Variants in EYS observed in about 807,000 individuals in gnomAD.
The protein encoded by EYS is EGF-like photoreceptor maintenance factor.
Under a neutral mutation model 282.1 loss-of-function variants are expected in EYS, and 250 were observed. That is an observed-to-expected ratio of 0.89 (90% CI 0.80 to 0.98). EYS has a LOEUF of 0.98. Among genes scored for constraint, EYS ranks in the 50% least tolerant of loss-of-function variants. The pLI is 0.00. For synonymous variants in EYS, 1,355 were observed against 1,282.9 expected (o/e 1.06, Z -1.20); for missense variants, 4,016 against 3,709.0 (o/e 1.08, Z -2.15).
At chr6:64,109,729 A>G (rs974801448) in intron 31 of EYS, among the ~76,000 whole-genome samples, 2 of 152,116 alleles carry the variant, frequency 1.3e-5, no homozygotes, top group African/African-American at 4.8e-5. Context: ...AGTACATTAG[A>G]AAGTCCATGA....
rs527638504 is a variant in EYS, at chr6:64,200,633, AGGT to A, written c.6424+29956_6424+29958del. On this transcript the variant is annotated intron_variant, in intron 31 of 42. Transcript: ENST00000503581. The stretch of plus-strand genomic sequence containing the variant: ...GTTCATTATGGCTCAGAATTCCTGG[AGGT>A]ATTTTGATGTGGAACAGGAGAGAAG... 2.2e-3 allele frequency among the ~76,000 whole-genome samples: 330 copies of A among 152,212 alleles called. 1 individual carries two copies. Among genetic ancestry groups the A allele is most frequent in the Non-Finnish European group, 2.2e-3 (148 of 68,000 alleles).
rs1768562801 is a variant in EYS, at chr6:65,550,165, T to C, written c.-332-54172A>G. Reference sequence around the variant, plus strand: ...TATCTTTTTTTTTTTTTTTTTTTTTTTTTTTTTTTTTTTTTTTTTTGGGGA... The same window carrying C: ...TATCTTTTTTTTTTTTTTTTTTTTTCTTTTTTTTTTTTTTTTTTTTGGGGA... On this transcript the variant is annotated intron_variant, in intron 2 of 42. Coordinates refer to ENST00000503581, the MANE Select transcript of EYS (RefSeq NM_001142800.2). Among the ~76,000 whole-genome samples the C allele has an allele frequency of 2.1e-4, 2 of 9,322 alleles. 1 individual carries two copies. The highest frequency in any genetic ancestry group is 2.9e-4 in the Non-Finnish European group (2 of 6,964). The allele number at this position is 9,322 out of a possible 152,430, so 6.1% of individuals were successfully genotyped here. A position where few individuals can be genotyped will look rare whatever the true frequency, so the allele number is the denominator to read the frequency against.
intron 2 of EYS, among the ~76,000 whole-genome samples, chr6:65,624,213 A>G (rs1456127708): frequency 2.0e-5 from 3 of 152,244 alleles, no homozygotes; most frequent in South Asian, 4.1e-4. Flanking sequence ...CCCCTGATAG[A>G]TATCAGTATG....
intron 1 of EYS, among the ~76,000 whole-genome samples, chr6:65,659,800 T>C (rs1767943818): frequency 6.6e-6 from 1 of 151,800 alleles, no homozygotes; most frequent in Admixed American, 6.6e-5. Flanking sequence ...ATGTACAGTA[T>C]TCCATTACTA....
chr6:63,915,392 A>G (rs996428745), intron 35 of EYS, among the ~76,000 whole-genome samples: 2 of 152,156 alleles, frequency 1.3e-5, no homozygotes, highest in African/African-American at 4.8e-5. Flanking sequence ...TTCCTTTCAA[A>G]ATACTGCTAC....
intron 31 of EYS, among the ~76,000 whole-genome samples, chr6:64,218,546 TC>T (rs1229308066): frequency 6.6e-6 from 1 of 152,168 alleles, no homozygotes; most frequent in Non-Finnish European, 1.5e-5. Flanking sequence ...TCTACTTGAG[TC>T]CCTACTTGTC....
At chr6:64,017,050 C>T (rs973151624) in intron 33 of EYS, among the ~76,000 whole-genome samples, 4 of 151,798 alleles carry the variant, frequency 2.6e-5, no homozygotes, top group African/African-American at 7.3e-5. Context: ...CTGTCCTCTG[C>T]TTGAACCTTC....
At chr6:64,534,045 G>T (rs1445169385) in intron 26 of EYS, among the ~76,000 whole-genome samples, 2 of 151,704 alleles carry the variant, frequency 1.3e-5, no homozygotes, top group South Asian at 2.1e-4. Flanking sequence ...GTGGACAAGA[G>T]AACTTTTGCT....
intron 14 of EYS, among the ~76,000 whole-genome samples, chr6:64,950,832 T>TATATATATATATATA (rs1310289103): frequency 1.9e-5 from 2 of 103,102 alleles, no homozygotes; most frequent in Admixed American, 1.2e-4. Flanking sequence ...TATATATATA[T>TATATATATATATATA]ATTGTTGAAT....
chr6:64,514,596 G>A (rs1034482104), intron 26 of EYS, among the ~76,000 whole-genome samples: 1 of 151,806 alleles, frequency 6.6e-6, no homozygotes, highest in Non-Finnish European at 1.5e-5. Context: ...TATAAGGGGA[G>A]TAATGACATC....
intron 36 of EYS, among the ~76,000 whole-genome samples, chr6:63,835,923 G>T (rs1279203565): frequency 1.3e-5 from 2 of 151,986 alleles, no homozygotes; most frequent in African/African-American, 2.4e-5. Flanking sequence ...AAGACAAATG[G>T]ATTCCATTCT....
intron 36 of EYS, among the ~76,000 whole-genome samples, chr6:63,816,014 G>C (rs1771168481): frequency 1.3e-5 from 2 of 152,288 alleles, no homozygotes; most frequent in South Asian, 4.1e-4. Context: ...AGCTGTTGAA[G>C]TACTAGAAGA....
intron 12 of EYS, among the ~76,000 whole-genome samples, chr6:65,091,271 TA>T (rs397887871): frequency 0.37 from 21,128 of 56,440 alleles, 2,374 homozygotes; most frequent in African/African-American, 0.51. Context: ...CCATCTCCCC[TA>T]AAAAAAAAAA....
chr6:63,938,914 A>G (rs1302050977), intron 35 of EYS, among the ~76,000 whole-genome samples: 1 of 150,844 alleles, frequency 6.6e-6, no homozygotes, highest in Non-Finnish European at 1.5e-5. Flanking sequence ...AAAGTGAACT[A>G]AATAACAGAA....
rs552098272 is a variant in EYS at position 63,736,145 on chromosome 6, C to T, written c.8072-9465G>A. 2.3e-4 allele frequency among the ~76,000 whole-genome samples: 35 copies of T among 152,256 alleles called. 1 individual carries two copies. The highest frequency in any genetic ancestry group is 2.3e-3 in the South Asian group (11 of 4,826). On this transcript the variant is annotated intron_variant, in intron 41 of 42. Coordinates refer to ENST00000503581, the MANE Select transcript of EYS (RefSeq NM_001142800.2). ...TTGCCATTGCTTTTGGTGTTTTAGA[C>T]GTGAAGTCCTTGCCCATGCCTATGT...
chr6:64,701,332 A>G (rs62418058), intron 22 of EYS, among the ~76,000 whole-genome samples: 9,664 of 152,148 alleles, frequency 0.064, 370 homozygotes, highest in East Asian at 0.15. Flanking sequence ...AGCAAATGCA[A>G]CAACAACAAG....
At chr6:63,726,262 C>T (rs1768611928) in intron 42 of EYS, among the ~76,000 whole-genome samples, 1 of 152,044 alleles carries the variant, frequency 6.6e-6, no homozygotes, top group Admixed American at 6.6e-5. Context: ...GCTTTAATGT[C>T]TTTTTTGATG....
At chr6:64,510,299 A>G (rs112379674) in intron 26 of EYS, among the ~76,000 whole-genome samples, 32 of 152,314 alleles carry the variant, frequency 2.1e-4, no homozygotes, top group African/African-American at 7.2e-4. Flanking sequence ...AAGTGATATG[A>G]AAGATTAAAA....
At chr6:65,099,045 A>G (rs867818177) in intron 12 of EYS, among the ~76,000 whole-genome samples, 1 of 150,822 alleles carries the variant, frequency 6.6e-6, no homozygotes, top group Non-Finnish European at 1.5e-5. Context: ...AGAAATGAAG[A>G]TTATGTATTT....
Sources: gnomAD v4.1 joint callset for allele counts (sites outside exome capture counted in the v4.1 genomes callset) on GRCh38, gnomAD v4.1.1 for gene constraint, MANE v1.5 for transcripts, NCBI Gene and HGNC (gene_info 2026-07-23, HGNC 2026-07-21) for gene names.